Variants in SGCD observed in about 807,000 individuals in gnomAD.
The protein encoded by SGCD is sarcoglycan delta, also known as delta-sarcoglycan.
SGCD carries 18 observed loss-of-function variants against 36.6 expected under a neutral mutation model. The ratio of observed to expected loss-of-function variants is 0.49; its 90% confidence interval spans 0.34 to 0.73. The LOEUF (loss-of-function observed/expected upper bound fraction) is 0.73, where lower values mean the gene tolerates loss of function less well. Among genes scored for constraint, SGCD ranks in the 30% least tolerant of loss-of-function variants. The pLI, the probability that SGCD is intolerant of heterozygous loss-of-function variation, is 0.01. For missense variants in SGCD, 387 were observed against 346.7 expected, an observed-to-expected ratio of 1.12 and a Z score of -0.92; for synonymous variants, 133 against 130.6, an observed-to-expected ratio of 1.02 and a Z score of -0.12.
intron 7 of SGCD, among the ~76,000 whole-genome samples, chr5:156,751,264 T>G (rs1451965353): frequency 1.3e-5 from 2 of 152,212 alleles, no homozygotes; most frequent in African/African-American, 4.8e-5. Flanking sequence ...CAACATATGT[T>G]GAGATAATCT....
chr5:156,714,707 C>T (rs1026175968), intron 7 of SGCD, among the ~76,000 whole-genome samples: 12 of 152,190 alleles, frequency 7.9e-5, no homozygotes, highest in East Asian at 1.9e-4. Context: ...ATTGATCGGA[C>T]GTGTTAATCC....
chr5:156,495,765 A>G (rs1756155636), intron 3 of SGCD, among the ~76,000 whole-genome samples: 1 of 152,160 alleles, frequency 6.6e-6, no homozygotes, highest in East Asian at 1.9e-4. Flanking sequence ...CTCCTTTATC[A>G]ACAATAGCTC....
At chr5:155,888,343 C>G (rs1756051507) in intron 1 of SGCD, among the ~76,000 whole-genome samples, 1 of 152,184 alleles carries the variant, frequency 6.6e-6, no homozygotes, top group Non-Finnish European at 1.5e-5. Context: ...AACTTCTATC[C>G]TGCTGTCCAG....
At chr5:156,146,812 A>G (rs1490536812) in intron 3 of SGCD, among the ~76,000 whole-genome samples, 1 of 152,214 alleles carries the variant, frequency 6.6e-6, no homozygotes, top group Admixed American at 6.5e-5. Context: ...AAGCCCAGGT[A>G]GGGAGGGTGG....
chr5:156,542,477 A>G (rs1057090126), intron 4 of SGCD, among the ~76,000 whole-genome samples: 2 of 152,210 alleles, frequency 1.3e-5, no homozygotes, highest in Non-Finnish European at 2.9e-5. Context: ...TATGAGTGCA[A>G]TCTGACATTC....
At chr5:156,730,223 G>GT (rs888133724) in intron 7 of SGCD, among the ~76,000 whole-genome samples, 14 of 151,890 alleles carry the variant, frequency 9.2e-5, no homozygotes, top group Non-Finnish European at 1.5e-4. Context: ...ATTCTGTGCA[G>GT]TTTTTTTTAG....
chr5:155,867,467 T>C (rs1038123390), upstream of SGCD, among the ~76,000 whole-genome samples: 2 of 152,176 alleles, frequency 1.3e-5, no homozygotes, highest in East Asian at 3.9e-4. Flanking sequence ...CTGGTGGTGA[T>C]GTCAACCTAG....
At chr5:156,469,657 T>C (rs890195190) in intron 3 of SGCD, among the ~76,000 whole-genome samples, 2 of 152,232 alleles carry the variant, frequency 1.3e-5, no homozygotes, top group Admixed American at 6.5e-5. Context: ...GACTTATATA[T>C]GTATTATGTC....
At chr5:156,044,022 C>A (rs991115061) in intron 1 of SGCD, among the ~76,000 whole-genome samples, 1 of 152,236 alleles carries the variant, frequency 6.6e-6, no homozygotes, top group South Asian at 2.1e-4. Flanking sequence ...GTTTAAATAA[C>A]AGAGTGCTCA....
chr5:155,769,705 A>G, the SGCD span, among the ~76,000 whole-genome samples: 1 of 152,102 alleles, frequency 6.6e-6, no homozygotes, highest in Non-Finnish European at 1.5e-5. Context: ...TCTTTCATGC[A>G]TTGTCATTCT....
At chr5:156,308,132 C>G (rs1455076745) in intron 3 of SGCD, among the ~76,000 whole-genome samples, 1 of 152,126 alleles carries the variant, frequency 6.6e-6, no homozygotes, top group Admixed American at 6.5e-5. Context: ...CTATAAAGAA[C>G]TACTTGAGAC....
At chr5:155,936,222 G>T (rs1184701788) in intron 1 of SGCD, among the ~76,000 whole-genome samples, 3 of 152,218 alleles carry the variant, frequency 2.0e-5, no homozygotes, top group Non-Finnish European at 4.4e-5. Flanking sequence ...ATGTGTTACA[G>T]CCCTTTTAGC....
At chr5:156,736,821 T>TAATC (rs1028035663) in intron 7 of SGCD, among the ~76,000 whole-genome samples, 6 of 152,198 alleles carry the variant, frequency 3.9e-5, no homozygotes, top group African/African-American at 1.4e-4. Flanking sequence ...GTAATCACTT[T>TAATC]AATCACTTTC....
At chr5:156,393,556 A>T (rs1771693659) in intron 3 of SGCD, among the ~76,000 whole-genome samples, 1 of 152,146 alleles carries the variant, frequency 6.6e-6, no homozygotes, top group Non-Finnish European at 1.5e-5. Context: ...GACGCACCAC[A>T]TGATAGCGTG....
At chr5:156,141,558 T>C (rs775012172) in intron 3 of SGCD, among the ~76,000 whole-genome samples, 1 of 152,234 alleles carries the variant, frequency 6.6e-6, no homozygotes, top group African/African-American at 2.4e-5. Context: ...GTTTGTCTCA[T>C]TGGGTAAAAA....
At position 156,060,806 on chromosome 5, in the gene SGCD, T is replaced by A. The variant is rs10072388; in HGVS notation, c.-281-57072T>A. 2.5e-3 allele frequency among the ~76,000 whole-genome samples: 368 copies of A among 146,126 alleles called. 23 individuals are homozygous for A. The highest frequency in any genetic ancestry group is 8.8e-3 in the African/African-American group (360 of 40,702). On this transcript the variant is annotated intron_variant, in intron 1 of 9. Coordinates refer to the SGCD transcript ENST00000517913. ...TTTTTAATATTAAAAACTAAAAGAT[T>A]GACATTAAATAATTTTACTTATTAA...
chr5:156,739,093 A>G (rs755689709), intron 7 of SGCD, among the ~76,000 whole-genome samples: 6 of 152,254 alleles, frequency 3.9e-5, no homozygotes, highest in Non-Finnish European at 8.8e-5. Flanking sequence ...AAAAGGTAAC[A>G]TAACAAAATA....
intron 3 of SGCD, among the ~76,000 whole-genome samples, chr5:156,393,557 T>G (rs921352373): frequency 3.3e-5 from 5 of 152,204 alleles, no homozygotes; most frequent in Non-Finnish European, 5.9e-5. Flanking sequence ...ACGCACCACA[T>G]GATAGCGTGC....
At chr5:156,264,488 A>G (rs1765952100) in intron 3 of SGCD, among the ~76,000 whole-genome samples, 1 of 152,166 alleles carries the variant, frequency 6.6e-6, no homozygotes, top group African/African-American at 2.4e-5. Flanking sequence ...TTAATATCAA[A>G]GTCATTGGCA....
Sources: gnomAD v4.1 joint callset for allele counts (sites outside exome capture counted in the v4.1 genomes callset) on GRCh38, gnomAD v4.1.1 for gene constraint, MANE v1.5 for transcripts, NCBI Gene and HGNC (gene_info 2026-07-23, HGNC 2026-07-21) for gene names.